KCNT1: variants seen among roughly 807,000 people sequenced by gnomAD.
The protein encoded by KCNT1 is potassium sodium-activated channel subfamily T member 1.
KCNT1 carries 78 observed loss-of-function variants against 147.8 expected under a neutral mutation model. The observed-to-expected ratio is 0.53, with a 90% CI of 0.44 to 0.64. The LOEUF (loss-of-function observed/expected upper bound fraction) is 0.64, where lower values mean the gene tolerates loss of function less well. Ranked by LOEUF, KCNT1 falls within the 30% of genes least tolerant of loss-of-function variation. The pLI is 0.00. For missense variants in KCNT1, 1,419 were observed against 1,750.3 expected (o/e 0.81, Z 3.38); for synonymous variants, 867 against 748.8 (o/e 1.16, Z -2.58).
At position 135,785,450 on chromosome 9, in the gene KCNT1, G is replaced by A. The variant is rs966869398; in HGVS notation, c.3177+120G>A. 19 of 1,220,880 alleles carry A rather than the reference G, an allele frequency of 1.6e-5. No homozygotes were observed. The African/African-American group carries it at 2.7e-4, about 17-fold the overall frequency. 75.6% of individuals were successfully genotyped at this position (1,220,880 alleles called of 1,614,324 possible). On this transcript the variant is annotated intron_variant, in intron 28 of 30. Transcript: ENST00000371757. ...ACCCACAGGGCCCTGGGAAAGCCGAGGCAGGAGCGGGTCCCACGGATGTGT... is the reference window on the plus strand; with the variant it reads ...ACCCACAGGGCCCTGGGAAAGCCGAAGCAGGAGCGGGTCCCACGGATGTGT...
chr9:135,720,745 G>C (rs1835892753), intron 2 of KCNT1, among the ~76,000 whole-genome samples: 1 of 152,142 alleles, frequency 6.6e-6, no homozygotes, highest in African/African-American at 2.4e-5. Context: ...TCCCTGAAGG[G>C]CACTGAGCCC....
intron 2 of KCNT1, among the ~76,000 whole-genome samples, chr9:135,744,183 G>C (rs1279437211): frequency 6.6e-6 from 1 of 152,256 alleles, no homozygotes; most frequent in East Asian, 1.9e-4. Flanking sequence ...ATGGCCATCT[G>C]TGTATGACTA....
chr9:135,705,023 C>T (rs1344304308), intron 1 of KCNT1, among the ~76,000 whole-genome samples: 1 of 152,236 alleles, frequency 6.6e-6, no homozygotes, highest in South Asian at 2.1e-4. Context: ...CAGTGGCTGG[C>T]CTGGGTGTGG....
chr9:135,738,034 C>T (rs1289429519), intron 2 of KCNT1, among the ~76,000 whole-genome samples: 2 of 152,140 alleles, frequency 1.3e-5, no homozygotes, highest in Non-Finnish European at 2.9e-5. Context: ...GGAAGCCCTG[C>T]TACAGCCAGC....
intron 2 of KCNT1, among the ~76,000 whole-genome samples, chr9:135,721,427 C>A (rs577574286): frequency 5.8e-4 from 88 of 152,214 alleles, no homozygotes; most frequent in Non-Finnish European, 8.2e-4. Context: ...CGCCCTGGGG[C>A]CCTTTCCAGA....
At chr9:135,791,627 G>A (rs1027464005) in intron 29 of KCNT1, 170 bp from the exon 30 acceptor site, 34 of 620,536 alleles carry the variant, frequency 5.5e-5, no homozygotes, top group Non-Finnish European at 8.0e-5. Context: ...GACAGGTGTC[G>A]GTCAGGGATG....
In KCNT1 at chr9:135,717,636, A is replaced by G. The variant is rs1024750832; in HGVS notation, c.254+2916A>G. Among the ~76,000 whole-genome samples, 18 of 152,296 alleles carry G rather than the reference A, an allele frequency of 1.2e-4. 1 individual carries two copies. The East Asian group carries it at 3.5e-3, about 29-fold the overall frequency. On this transcript the variant is annotated intron_variant, in intron 2 of 30. Coordinates refer to ENST00000371757, the MANE Select transcript of KCNT1 (RefSeq NM_020822.3). ...CAGCTCGCCAGCCGCTGCCCGGCAC[A>G]GCTGAACCCGCTCCTCACGTGGACT...
At chr9:135,765,233 C>T in intron 12 of KCNT1, 38 bp downstream of exon 12, 1 of 1,587,612 alleles carries the variant, frequency 6.3e-7, no homozygotes, top group Non-Finnish European at 8.6e-7. Context: ...ACGACTCCCT[C>T]CCGGCCCCTA....
Position 135,784,488 on chromosome 9 carries a change from TCCC to T in KCNT1, c.2944-46_2944-44del, listed in dbSNP as rs1833864112. On this transcript the variant is annotated intron_variant, in intron 25 of 30. Transcript: ENST00000371757. ...GCCCGCGTGCCTCACTGTGGCTCCC[TCCC>T]TCCCTCCCTCCCTCCCTCCCTCCCT... The T allele has an allele frequency of 7.3e-3, 636 of 86,716 alleles. 3 individuals are homozygous for T. Among genetic ancestry groups the T allele is most frequent in the South Asian group, 0.014 (128 of 8,916 alleles). The allele number at this position is 86,716 out of a possible 1,614,324, so 5.4% of individuals were successfully genotyped here.
At chr9:135,768,710 C>A (rs774967126) in intron 14 of KCNT1, 37 bp downstream of exon 14, 4 of 1,541,400 alleles carry the variant, frequency 2.6e-6, no homozygotes, top group Non-Finnish European at 3.5e-6. Context: ...GCGGGAGGGG[C>A]ACCGTGGGGC....
intron 30 of KCNT1, 72 bp from the exon 31 acceptor site, chr9:135,791,969 C>G: frequency 6.2e-7 from 1 of 1,608,606 alleles, no homozygotes. Flanking sequence ...CACAGTGGGG[C>G]CGCTCAGCAG....
intron 2 of KCNT1, among the ~76,000 whole-genome samples, chr9:135,735,615 C>T (rs1402795610): frequency 6.6e-6 from 1 of 152,122 alleles, no homozygotes; most frequent in Non-Finnish European, 1.5e-5. Context: ...CCGGCCCACT[C>T]CCTGGAGTTG....
chr9:135,773,087 T>C, intron 19 of KCNT1, 138 bp downstream of exon 19: 1 of 571,176 alleles, frequency 1.8e-6, no homozygotes, highest in Non-Finnish European at 2.8e-6. Context: ...AGTCCTTGTT[T>C]GACAAATGAA....
Position 135,786,775 on chromosome 9 carries a change from C to T in KCNT1, c.3502+254C>T, listed in dbSNP as rs528836884. Among the ~76,000 whole-genome samples the T allele has an allele frequency of 1.5e-3, 233 of 152,368 alleles. 1 individual carries two copies. Among genetic ancestry groups the T allele is most frequent in the African/African-American group, 5.4e-3 (224 of 41,592 alleles). ...GGCCCACCCTGGTGCTGGGAGGCCACAGGACCCTTGGGCATCCCTGGTGTG... is the reference window on the plus strand; with the variant it reads ...GGCCCACCCTGGTGCTGGGAGGCCATAGGACCCTTGGGCATCCCTGGTGTG... On this transcript the variant is annotated intron_variant, in intron 29 of 30. Transcript: ENST00000371757.
In KCNT1 at chr9:135,770,388, G is replaced by C; in HGVS notation, c.1710G>C (p.Lys570Asn). 1 of 1,613,326 alleles carries C rather than the reference G, an allele frequency of 6.2e-7. No homozygotes were observed. Among genetic ancestry groups the C allele is most frequent in the Non-Finnish European group, 8.5e-7 (1 of 1,179,808 alleles). ...ACCACATCCGCATGGGTGACAGCAA[G>C]TTCTTCCGCGAGTACGAGGGCAAGA... The part of the protein sequence containing the change: ...EVYHIRMGDS[K>N]FFREYEGKSF... The change falls in exon 17 of 31, where the codon AAG becomes AAC. Residue 570 changes from lysine to asparagine, a missense_variant. By Grantham distance (94) the Lys-to-Asn change is moderately conservative. Transcript: ENST00000371757.
rs144702785 is a variant in KCNT1 at position 135,722,952 on chromosome 9, G to C, written c.254+8232G>C. Among the ~76,000 whole-genome samples the C allele has an allele frequency of 5.1e-3, 782 of 152,336 alleles. 3 individuals carry two copies. Among genetic ancestry groups the C allele is most frequent in the Middle Eastern group, 0.037 (11 of 294 alleles). On this transcript the variant is annotated intron_variant, in intron 2 of 30. Transcript: ENST00000371757. ...AGAAGGGGACGCTGCAAAAGATGTC[G>C]TGGGAAATCCTCCGGGGGATTAAGT...
At chr9:135,760,865 G>C (rs1442086916) in intron 11 of KCNT1, among the ~76,000 whole-genome samples, 2 of 152,226 alleles carry the variant, frequency 1.3e-5, no homozygotes, top group Non-Finnish European at 2.9e-5. Context: ...TCCCGCTCCT[G>C]TGAGCTGCCC....
Position 135,782,504 on chromosome 9 carries a change from T to G in KCNT1, c.2842-1520T>G, listed in dbSNP as rs536330939. Among the ~76,000 whole-genome samples the G allele has an allele frequency of 1.5e-4, 23 of 152,380 alleles. No individual in the cohort carries two copies. The East Asian group carries it at 1.9e-3, about 13-fold the overall frequency. On this transcript the variant is annotated intron_variant, in intron 24 of 30. Coordinates refer to ENST00000371757, the MANE Select transcript of KCNT1 (RefSeq NM_020822.3). ...TGCACGGTGCCTGTCCTGCTCCCTCTGACCGGGGGTCTCGTGCTCAGGAAG... is the reference window on the plus strand; with the variant it reads ...TGCACGGTGCCTGTCCTGCTCCCTCGGACCGGGGGTCTCGTGCTCAGGAAG...
intron 19 of KCNT1, among the ~76,000 whole-genome samples, chr9:135,774,667 T>C (rs997310724): frequency 2.0e-5 from 3 of 152,094 alleles, no homozygotes; most frequent in Non-Finnish European, 4.4e-5. Context: ...GTGTATGTTA[T>C]GTGTCCGTGC....
Sources: gnomAD v4.1 joint callset for allele counts (sites outside exome capture counted in the v4.1 genomes callset) on GRCh38, gnomAD v4.1.1 for gene constraint, MANE v1.5 for transcripts, NCBI Gene and HGNC (gene_info 2026-07-23, HGNC 2026-07-21) for gene names.